Variants in PSMD14 observed in about 807,000 individuals in gnomAD.
The protein encoded by PSMD14 is ubiquitin C-terminal hydrolase PSMD14.
Under a neutral mutation model 41.2 loss-of-function variants are expected in PSMD14, and 7 were observed. The ratio of observed to expected loss-of-function variants is 0.17; its 90% CI spans 0.10 to 0.32. PSMD14 has a LOEUF of 0.32. Ranked by LOEUF, PSMD14 falls within the 10% of genes least tolerant of loss-of-function variation. The pLI is 1.00. For synonymous variants in PSMD14, 114 were observed against 122.3 expected (o/e 0.93, Z 0.45); for missense variants, 139 against 375.6 (o/e 0.37, Z 5.21).
intron 8 of PSMD14, among the ~76,000 whole-genome samples, chr2:161,389,892 T>TTTTTTTTTTTTTTTTTTTTTG (rs1683688244): frequency 2.2e-4 from 1 of 4,470 alleles, no homozygotes; most frequent in African/African-American, 5.3e-4. Context: ...TTTTGTTGTT[T>TTTTTTTTTTTTTTTTTTTTTG]TTTTTTTTTT....
chr2:161,358,623 T>TA (rs1683240990), intron 3 of PSMD14, among the ~76,000 whole-genome samples: 2 of 152,218 alleles, frequency 1.3e-5, no homozygotes, highest in South Asian at 4.1e-4. Context: ...CCTTGACTCA[T>TA]ACGTTTTTCT....
chr2:161,374,520 T>A (rs999536621), intron 7 of PSMD14, among the ~76,000 whole-genome samples: 3 of 151,974 alleles, frequency 2.0e-5, no homozygotes, highest in Non-Finnish European at 4.4e-5. Flanking sequence ...TCAATGGTAA[T>A]TGCATTCATA....
At chr2:161,316,948 A>G (rs1689154335) in intron 2 of PSMD14, among the ~76,000 whole-genome samples, 1 of 152,206 alleles carries the variant, frequency 6.6e-6, no homozygotes, top group Admixed American at 6.5e-5. Flanking sequence ...GGATAGATAA[A>G]CTGAACACAG....
chr2:161,335,153 G>C (rs1454416755), intron 3 of PSMD14, among the ~76,000 whole-genome samples: 1 of 152,224 alleles, frequency 6.6e-6, no homozygotes. Flanking sequence ...ATAGGTACCA[G>C]TATATGACAT....
intron 10 of PSMD14, among the ~76,000 whole-genome samples, chr2:161,398,595 A>G (rs1364371143): frequency 1.3e-5 from 2 of 151,996 alleles, no homozygotes; most frequent in Admixed American, 6.6e-5. Flanking sequence ...TGTGCAGGTG[A>G]AAAAATGAAT....
At chr2:161,396,513 T>A (rs1288986424) in intron 10 of PSMD14, among the ~76,000 whole-genome samples, 1 of 152,096 alleles carries the variant, frequency 6.6e-6, no homozygotes, top group African/African-American at 2.4e-5. Context: ...TTATTTTAAG[T>A]GAAATAAGCC....
chr2:161,315,528 G>C (rs1689137472), intron 1 of PSMD14, among the ~76,000 whole-genome samples: 2 of 152,010 alleles, frequency 1.3e-5, no homozygotes, highest in Admixed American at 1.3e-4. Flanking sequence ...ATATCTTTTT[G>C]AAAGATGGGT....
At chr2:161,380,328 T>C (rs1683556690) in intron 7 of PSMD14, among the ~76,000 whole-genome samples, 1 of 152,026 alleles carries the variant, frequency 6.6e-6, no homozygotes, top group Admixed American at 6.6e-5. Context: ...ATTTTTATTA[T>C]AACTTAAGTA....
intron 8 of PSMD14, among the ~76,000 whole-genome samples, chr2:161,386,667 A>G (rs536678790): frequency 3.0e-4 from 46 of 151,922 alleles, no homozygotes; most frequent in Non-Finnish European, 6.2e-4. Context: ...GCATGTTCCA[A>G]GAGAATATAT....
intron 7 of PSMD14, chr2:161,381,379 G>T (rs868199960): frequency 1.3e-5 from 2 of 151,744 alleles, no homozygotes; most frequent in African/African-American, 2.4e-5. Flanking sequence ...ACTCTGTGTA[G>T]ATACCCATAG....
At chr2:161,395,027 A>AGG (rs2105268164) in intron 9 of PSMD14, 51 bp from the exon 10 acceptor site, 3 of 1,462,670 alleles carry the variant, frequency 2.1e-6, no homozygotes, top group East Asian at 5.0e-5. Flanking sequence ...TAGACAATGA[A>AGG]GGGGGTATCC....
chr2:161,314,981 C>T (rs997818218), intron 1 of PSMD14, among the ~76,000 whole-genome samples: 1 of 152,094 alleles, frequency 6.6e-6, no homozygotes, highest in African/African-American at 2.4e-5. Context: ...TGAGGAACTG[C>T]CAAACTGTTC....
intron 3 of PSMD14, among the ~76,000 whole-genome samples, chr2:161,345,450 C>A (rs1350440958): frequency 7.9e-5 from 12 of 151,916 alleles, no homozygotes; most frequent in Middle Eastern, 3.4e-3. Flanking sequence ...ACTATGTTGC[C>A]CAGGCTGGTC....
intron 10 of PSMD14, chr2:161,408,320 A>C (rs1683981301): frequency 6.5e-6 from 1 of 154,404 alleles, no homozygotes; most frequent in Non-Finnish European, 1.4e-5. Flanking sequence ...AACCCATGTG[A>C]TTTGTTTAGT....
At chr2:161,400,042 C>A (rs1574142505) in intron 10 of PSMD14, among the ~76,000 whole-genome samples, 1 of 152,156 alleles carries the variant, frequency 6.6e-6, no homozygotes, top group East Asian at 1.9e-4. Context: ...GTGTGTGAGG[C>A]AGGAGACTCC....
At chr2:161,381,775 T>C (rs1683573695) in intron 7 of PSMD14, 1 of 151,934 alleles carries the variant, frequency 6.6e-6, no homozygotes, top group African/African-American at 2.4e-5. Context: ...TTGGGCATGC[T>C]TGGAATAAAT....
At chr2:161,315,841 C>CTT (rs34015300) in intron 1 of PSMD14, among the ~76,000 whole-genome samples, 3 of 96,780 alleles carry the variant, frequency 3.1e-5, no homozygotes, top group African/African-American at 1.2e-4. Flanking sequence ...TTATTTTATT[C>CTT]TTTTTTTTTT....
intron 7 of PSMD14, among the ~76,000 whole-genome samples, chr2:161,371,980 A>C (rs954665531): frequency 5.8e-5 from 6 of 103,230 alleles, no homozygotes; most frequent in African/African-American, 1.8e-4. Flanking sequence ...TTTTTTTTTT[A>C]TTTCTTTCTT....
At chr2:161,314,799 A>G (rs1175444224) in intron 1 of PSMD14, among the ~76,000 whole-genome samples, 1 of 152,194 alleles carries the variant, frequency 6.6e-6, no homozygotes, top group Admixed American at 6.5e-5. Context: ...TTGTTTATCC[A>G]TTCATTTTTT....
Sources: gnomAD v4.1 joint callset for allele counts (sites outside exome capture counted in the v4.1 genomes callset) on GRCh38, gnomAD v4.1.1 for gene constraint, MANE v1.5 for transcripts, NCBI Gene and HGNC (gene_info 2026-07-23, HGNC 2026-07-21) for gene names.